Variants in SVIL observed in about 807,000 individuals in gnomAD.
The protein encoded by SVIL is supervillin, also known as archvillin.
A neutral mutation model predicts 240.4 loss-of-function variants in SVIL; 101 were observed. The ratio of observed to expected loss-of-function variants is 0.42; its 90% confidence interval spans 0.36 to 0.50. The LOEUF (loss-of-function observed/expected upper bound fraction) is 0.50, where lower values mean the gene tolerates loss of function less well. Among genes scored for constraint, SVIL ranks in the 20% least tolerant of loss-of-function variants. The pLI is 0.01. For synonymous variants in SVIL, 999 were observed against 1,100.0 expected, an observed-to-expected ratio of 0.91 and a Z score of 1.82; for missense variants, 2,512 against 2,818.7, an observed-to-expected ratio of 0.89 and a Z score of 2.46.
chr10:29,524,174 A>G (rs1950742765), intron 14 of SVIL, 147 bp from the exon 15 acceptor site: 2 of 966,586 alleles, frequency 2.1e-6, no homozygotes, highest in East Asian at 5.3e-5. Context: ...GGACATAGTT[A>G]TATAATACGT....
At chr10:29,493,186 A>T in intron 21 of SVIL, 28 bp downstream of exon 21, 1 of 1,604,564 alleles carries the variant, frequency 6.2e-7, no homozygotes, top group Non-Finnish European at 8.5e-7. Flanking sequence ...TTCTCAGTGG[A>T]GGAAAGACGG....
Position 29,506,083 on chromosome 10 carries a change from T to C in SVIL, c.3516+6652A>G, listed in dbSNP as rs191868326. Among the ~76,000 whole-genome samples the C allele has an allele frequency of 6.4e-4, 98 of 152,308 alleles. 1 individual carries two copies. The East Asian group carries it at 0.013, about 19-fold the overall frequency. ...GTATTGGTTTTTAATTTTTTAACTG[T>C]TGTATTGTTCTTTTTTATTGATTTT... On this transcript the variant is annotated intron_variant, in intron 17 of 37. Coordinates refer to ENST00000355867, the MANE Select transcript of SVIL (RefSeq NM_021738.3).
intron 33 of SVIL, chr10:29,467,279 G>A (rs771124101): frequency 1.9e-5 from 3 of 156,604 alleles, no homozygotes; most frequent in South Asian, 2.0e-4. Context: ...ATAAGAGGCC[G>A]GCTTCCTTCC....
chr10:29,474,045 GC>G (rs1945890954), intron 29 of SVIL, 56 bp from the exon 30 acceptor site: 1 of 1,586,988 alleles, frequency 6.3e-7, no homozygotes, highest in African/African-American at 1.3e-5. Context: ...CCGAGGAGAA[GC>G]AAATGTCTGG....
rs560280521 is a variant in SVIL at position 29,692,773 on chromosome 10, G to A, written c.-399-6122C>T. On this transcript the variant is annotated intron_variant, in intron 1 of 35. Transcript: ENST00000375400. ...CTCCCAAGGTGTTGGAATTACAGGCGTGAGCTGCTGTGCCCAGGCGGGACT... is the reference window on the plus strand; with the variant it reads ...CTCCCAAGGTGTTGGAATTACAGGCATGAGCTGCTGTGCCCAGGCGGGACT... Among the ~76,000 whole-genome samples, 6 of 152,152 alleles carry A rather than the reference G, an allele frequency of 3.9e-5. No individual in the cohort carries two copies. In the South Asian group the frequency reaches 8.3e-4, roughly 21 times the overall value.
chr10:29,715,675 T>C (rs911903191), intron 1 of SVIL, among the ~76,000 whole-genome samples: 6 of 152,244 alleles, frequency 3.9e-5, no homozygotes, highest in Non-Finnish European at 5.9e-5. Context: ...CCAAGAGTCA[T>C]GGTCATCAAG....
chr10:29,684,018 T>C (rs1960867329), intron 2 of SVIL, among the ~76,000 whole-genome samples: 1 of 152,102 alleles, frequency 6.6e-6, no homozygotes, highest in Non-Finnish European at 1.5e-5. Context: ...CTTTGCGTAA[T>C]TTTTTTAATG....
At chr10:29,620,771 A>T (rs1957601458) in intron 1 of SVIL, among the ~76,000 whole-genome samples, 1 of 151,984 alleles carries the variant, frequency 6.6e-6, no homozygotes, top group Non-Finnish European at 1.5e-5. Context: ...GGCGCCCACT[A>T]CCACACCAAG....
In SVIL at chr10:29,458,299, G is replaced by A. The variant is rs766102768; in HGVS notation, c.6593C>T (p.Ala2198Val). The A allele has an allele frequency of 6.2e-7, 1 of 1,614,244 alleles. No individual in the cohort carries two copies. Among genetic ancestry groups the A allele is most frequent in the Non-Finnish European group, 8.5e-7 (1 of 1,180,048 alleles). Reference protein sequence around the residue: ...ALDMTRDEYNALPAWKQVNLK... With the variant: ...ALDMTRDEYNVLPAWKQVNLK... ...GTTCACCTGCTTCCAGGCGGGCAGG[G>A]CGTTGTATTCATCCCTCGTCATGTC... Residue 2198 changes from alanine (A) to valine (V), a missense_variant, in exon 38 of 38, where the codon GCC becomes GTC. Ala to Val is a moderately conservative substitution (Grantham distance 64). Coordinates refer to ENST00000355867, the MANE Select transcript of SVIL (RefSeq NM_021738.3).
Position 29,524,006 on chromosome 10 carries a change from G to A in SVIL, c.2608C>T (p.Pro870Ser). The change falls in exon 15 of 38, where the codon CCT (proline) becomes TCT (serine). Residue 870 changes from proline to serine, a missense_variant. Transcript: ENST00000355867. The stretch of plus-strand genomic sequence containing the variant: ...GATGTGTTCACGGCAGGTGAGAAAG[G>A]AATGAGCTTTCCACTCTGCACCTGG... Reference protein sequence around the residue: ...VEQVQSGKLIPFSPAVNTSVS... With the variant: ...VEQVQSGKLISFSPAVNTSVS... 1.9e-6 allele frequency: 3 copies of A among 1,611,876 alleles called. No individual in the cohort carries two copies. Among genetic ancestry groups the A allele is most frequent in the Non-Finnish European group, 2.5e-6 (3 of 1,178,672 alleles).
chr10:29,510,143 C>A (rs915731402), intron 17 of SVIL, among the ~76,000 whole-genome samples: 2 of 152,202 alleles, frequency 1.3e-5, no homozygotes, highest in Non-Finnish European at 1.5e-5. Context: ...ATCCTCTTGT[C>A]TTGGCCTCCC....
At chr10:29,601,987 C>T (rs551904730) in intron 1 of SVIL, among the ~76,000 whole-genome samples, 12 of 152,102 alleles carry the variant, frequency 7.9e-5, no homozygotes, top group African/African-American at 2.7e-4. Context: ...CAGTTCATTG[C>T]TTGTTGGGAT....
intron 2 of SVIL, among the ~76,000 whole-genome samples, chr10:29,679,383 A>G (rs1960450044): frequency 6.6e-6 from 1 of 152,182 alleles, no homozygotes; most frequent in Non-Finnish European, 1.5e-5. Flanking sequence ...GCCACAATTT[A>G]AGAAATAGTG....
At chr10:29,656,085 G>T (rs1958995398) in intron 3 of SVIL, among the ~76,000 whole-genome samples, 1 of 151,538 alleles carries the variant, frequency 6.6e-6, no homozygotes, top group Non-Finnish European at 1.5e-5. Context: ...TGGCCAGGAT[G>T]ATCTCGATCT....
intron 1 of SVIL, among the ~76,000 whole-genome samples, chr10:29,692,180 A>G (rs988891835): frequency 2.0e-5 from 3 of 152,222 alleles, no homozygotes; most frequent in African/African-American, 7.2e-5. Context: ...CTGGCTTACA[A>G]GTAGAAGCAA....
chr10:29,470,827 G>A (rs897901084), intron 31 of SVIL, among the ~76,000 whole-genome samples: 2 of 152,060 alleles, frequency 1.3e-5, no homozygotes, highest in Non-Finnish European at 2.9e-5. Context: ...GTGGGGTGCT[G>A]GTCAACACAA....
intron 5 of SVIL, 61 bp downstream of exon 5, chr10:29,554,722 G>A: frequency 1.4e-6 from 2 of 1,456,200 alleles, no homozygotes; most frequent in Non-Finnish European, 9.0e-7. Context: ...TGGGTGGAAA[G>A]GGCAACTCGT....
upstream of SVIL, among the ~76,000 whole-genome samples, chr10:29,639,469 C>CTTT (rs138064127): frequency 1.6e-5 from 2 of 125,452 alleles, no homozygotes; most frequent in Non-Finnish European, 3.3e-5. Context: ...GCGCCTGGCC[C>CTTT]TTTTTTTTTT....
At chr10:29,477,464 C>CT (rs1375729115) in intron 29 of SVIL, among the ~76,000 whole-genome samples, 5 of 152,208 alleles carry the variant, frequency 3.3e-5, no homozygotes, top group Admixed American at 2.6e-4. Context: ...GACATTGACC[C>CT]TAGCAGGCCG....
Sources: allele counts gnomAD v4.1 joint callset (sites outside exome capture counted in the v4.1 genomes callset), GRCh38; gene constraint gnomAD v4.1.1; transcripts MANE v1.5; gene names NCBI Gene and HGNC (gene_info 2026-07-23, HGNC 2026-07-21).